Variants in NSMCE2 observed in about 807,000 individuals in gnomAD.
The protein encoded by NSMCE2 is E3 SUMO-protein ligase NSE2.
NSMCE2 carries 24 observed loss-of-function variants against 23.8 expected under a neutral mutation model. The ratio of observed to expected loss-of-function variants is 1.01; its 90% CI spans 0.73 to 1.42. The LOEUF (loss-of-function observed/expected upper bound fraction) is 1.42, where lower values mean the gene tolerates loss of function less well. NSMCE2 is among the 40% of genes most tolerant of loss of function. NSMCE2 has a pLI of 0.00. For missense variants in NSMCE2, 284 were observed against 296.5 expected (o/e 0.96, Z 0.31); for synonymous variants, 92 against 94.1 (o/e 0.98, Z 0.13).
In NSMCE2 at chr8:125,355,656, C is replaced by T. The variant is rs577614691; in HGVS notation, c.419-1563C>T. Reference sequence around the variant, plus strand: ...CGGAGGTTGCAGTGAGCCAAGATCGCGCCATTGCACTCCAGCCTGGGTGAC... The same window carrying T: ...CGGAGGTTGCAGTGAGCCAAGATCGTGCCATTGCACTCCAGCCTGGGTGAC... On this transcript the variant is annotated intron_variant, in intron 5 of 7. Coordinates refer to ENST00000287437, the MANE Select transcript of NSMCE2 (RefSeq NM_173685.4). 2.7e-4 allele frequency among the ~76,000 whole-genome samples: 39 copies of T among 145,084 alleles called. No individual in the cohort carries two copies. The South Asian group carries it at 7.0e-3, about 26-fold the overall frequency.
chr8:125,115,489 G>A (rs370442915), intron 3 of NSMCE2, among the ~76,000 whole-genome samples: 25 of 152,310 alleles, frequency 1.6e-4, no homozygotes, highest in East Asian at 5.8e-4. Flanking sequence ...AGTGGCTCAC[G>A]CCTGTAATCC....
At chr8:125,111,142 A>AC (rs1387012759) in intron 3 of NSMCE2, among the ~76,000 whole-genome samples, 1 of 152,124 alleles carries the variant, frequency 6.6e-6, no homozygotes, top group Non-Finnish European at 1.5e-5. Flanking sequence ...CTTTTGTCTT[A>AC]CCTTAATCCC....
intron 5 of NSMCE2, among the ~76,000 whole-genome samples, chr8:125,246,603 A>T: frequency 6.6e-6 from 1 of 152,180 alleles, no homozygotes; most frequent in East Asian, 1.9e-4. Flanking sequence ...TTCCAGACAT[A>T]TTTATCACTC....
chr8:125,253,300 G>A (rs1328644848), intron 5 of NSMCE2, among the ~76,000 whole-genome samples: 1 of 152,148 alleles, frequency 6.6e-6, no homozygotes, highest in African/African-American at 2.4e-5. Flanking sequence ...AGCCTTTTTT[G>A]TGCTCAGCTC....
intron 5 of NSMCE2, among the ~76,000 whole-genome samples, chr8:125,226,697 G>A (rs908163189): frequency 1.3e-5 from 2 of 152,156 alleles, no homozygotes; most frequent in African/African-American, 2.4e-5. Flanking sequence ...GTAGTGAAGA[G>A]GTGGAGAGGA....
At chr8:125,313,112 A>G (rs1011223689) in intron 5 of NSMCE2, among the ~76,000 whole-genome samples, 3 of 151,482 alleles carry the variant, frequency 2.0e-5, no homozygotes, top group Non-Finnish European at 4.4e-5. Flanking sequence ...GAAAAAAAAA[A>G]AAGGGAAAGA....
At chr8:125,160,452 A>C (rs1386291279) in intron 4 of NSMCE2, among the ~76,000 whole-genome samples, 1 of 152,094 alleles carries the variant, frequency 6.6e-6, no homozygotes, top group Non-Finnish European at 1.5e-5. Context: ...CTTTCCTCGG[A>C]AGGGGTTGGG....
intron 3 of NSMCE2, among the ~76,000 whole-genome samples, chr8:125,137,051 G>A (rs1323712702): frequency 2.6e-5 from 4 of 151,786 alleles, no homozygotes; most frequent in Non-Finnish European, 1.5e-5. Context: ...AAATTTTAAA[G>A]GATTGATTTG....
Position 125,142,724 on chromosome 8 carries a change from G to A in NSMCE2, c.158-8447G>A, listed in dbSNP as rs546647229. 1.9e-3 allele frequency among the ~76,000 whole-genome samples: 282 copies of A among 151,900 alleles called. 2 individuals are homozygous for A. The highest frequency in any genetic ancestry group is 6.3e-3 in the African/African-American group (263 of 41,468). On this transcript the variant is annotated intron_variant, in intron 3 of 7. Transcript: ENST00000287437. ...GGTTCAAGAGATTCTCCTGCCCCAG[G>A]CTCCCGAGTAGCTGGAATTACAGGC...
At chr8:125,339,856 G>T (rs1830176851) in intron 5 of NSMCE2, among the ~76,000 whole-genome samples, 1 of 152,108 alleles carries the variant, frequency 6.6e-6, no homozygotes, top group Non-Finnish European at 1.5e-5. Context: ...CATCCTCTGT[G>T]CCTGGGAAAT....
chr8:125,300,207 C>T (rs906903214), intron 5 of NSMCE2, among the ~76,000 whole-genome samples: 2 of 151,092 alleles, frequency 1.3e-5, no homozygotes, highest in Admixed American at 6.6e-5. Context: ...CTAGCTTGGT[C>T]GCCCAGGCTA....
intron 5 of NSMCE2, among the ~76,000 whole-genome samples, chr8:125,211,955 G>T (rs1824363114): frequency 6.6e-6 from 1 of 152,062 alleles, no homozygotes. Flanking sequence ...TGTTCCATTG[G>T]CATGTACTTG....
At chr8:125,125,053 C>A (rs181034388) in intron 3 of NSMCE2, among the ~76,000 whole-genome samples, 13 of 152,172 alleles carry the variant, frequency 8.5e-5, no homozygotes, top group Admixed American at 7.9e-4. Context: ...CCTCAGCCTC[C>A]CAAAGTGCTG....
At position 125,124,626 on chromosome 8, in the gene NSMCE2, T is replaced by G. The variant is rs554344287; in HGVS notation, c.157+22139T>G. Among the ~76,000 whole-genome samples, 7 of 151,370 alleles carry G rather than the reference T, an allele frequency of 4.6e-5. 1 individual carries two copies. The South Asian group carries it at 1.5e-3, about 32-fold the overall frequency. ...TCCTGAGTAGCTGGGACTATAGGCTTGCACCACCACACCTGGCTAATTTTT... is the reference window on the plus strand; with the variant it reads ...TCCTGAGTAGCTGGGACTATAGGCTGGCACCACCACACCTGGCTAATTTTT... On this transcript the variant is annotated intron_variant, in intron 3 of 7. Coordinates refer to ENST00000287437, the MANE Select transcript of NSMCE2 (RefSeq NM_173685.4).
intron 5 of NSMCE2, among the ~76,000 whole-genome samples, chr8:125,222,414 A>G (rs1824904557): frequency 6.6e-6 from 1 of 152,186 alleles, no homozygotes; most frequent in Non-Finnish European, 1.5e-5. Flanking sequence ...ATACAAATAC[A>G]TTATTAATAA....
At chr8:125,352,745 T>C (rs1246983283) in intron 5 of NSMCE2, among the ~76,000 whole-genome samples, 3 of 152,218 alleles carry the variant, frequency 2.0e-5, no homozygotes, top group African/African-American at 7.2e-5. Context: ...TTTACCAGAC[T>C]TATCACAAAG....
At chr8:125,126,213 A>G (rs1302096157) in intron 3 of NSMCE2, among the ~76,000 whole-genome samples, 11 of 152,030 alleles carry the variant, frequency 7.2e-5, no homozygotes, top group Non-Finnish European at 1.0e-4. Context: ...TGAAGACTCC[A>G]TCTCTTCTAA....
intron 5 of NSMCE2, among the ~76,000 whole-genome samples, chr8:125,283,507 C>A (rs550361191): frequency 1.3e-5 from 2 of 152,176 alleles, no homozygotes; most frequent in African/African-American, 2.4e-5. Context: ...GCAAGTGAGA[C>A]CTTGTGTCAA....
At chr8:125,095,974 A>T (rs1563646497) in intron 1 of NSMCE2, among the ~76,000 whole-genome samples, 1 of 152,010 alleles carries the variant, frequency 6.6e-6, no homozygotes. Flanking sequence ...AATACTTAGT[A>T]CTGTAACAGG....
Sources: allele counts gnomAD v4.1 joint callset (sites outside exome capture counted in the v4.1 genomes callset), GRCh38; gene constraint gnomAD v4.1.1; transcripts MANE v1.5; gene names NCBI Gene and HGNC (gene_info 2026-07-23, HGNC 2026-07-21).